PCDH15: variants seen among roughly 807,000 people sequenced by gnomAD.
PCDH15 encodes the protein protocadherin-15.
In PCDH15, 129 loss-of-function variants were observed where a neutral mutation model predicts 178.5. The observed-to-expected ratio is 0.72, with a 90% CI of 0.63 to 0.84. The LOEUF (loss-of-function observed/expected upper bound fraction) is 0.84. Among genes scored for constraint, PCDH15 ranks in the 40% least tolerant of loss-of-function variants. The pLI is 0.00. For synonymous variants in PCDH15, 800 were observed against 732.0 expected (o/e 1.09, Z -1.50); for missense variants, 2,230 against 2,099.9 (o/e 1.06, Z -1.21).
At chr10:54,970,161 C>T (rs752724011) in intron 2 of PCDH15, among the ~76,000 whole-genome samples, 37 of 152,280 alleles carry the variant, frequency 2.4e-4, no homozygotes, top group Non-Finnish European at 4.3e-4. Flanking sequence ...ACACAGTGGC[C>T]CTCACTGGAC....
chr10:55,570,357 A>C (rs1171580086), intron 2 of PCDH15, among the ~76,000 whole-genome samples: 1 of 152,120 alleles, frequency 6.6e-6, no homozygotes, highest in African/African-American at 2.4e-5. Flanking sequence ...AGTCTTCATA[A>C]GTGTCTAATA....
intron 3 of PCDH15, among the ~76,000 whole-genome samples, chr10:54,422,347 G>A (rs1194835698): frequency 1.3e-5 from 2 of 152,044 alleles, no homozygotes; most frequent in Non-Finnish European, 2.9e-5. Context: ...ACCCTATTTT[G>A]TAGTATAGTG....
chr10:54,562,341 G>A (rs1467000672), intron 2 of PCDH15, among the ~76,000 whole-genome samples: 3 of 151,988 alleles, frequency 2.0e-5, no homozygotes, highest in Admixed American at 1.3e-4. Flanking sequence ...TAATTCTATT[G>A]GATCTTGAAA....
chr10:54,548,154 ATATATATT>A (rs2086094179), intron 2 of PCDH15, among the ~76,000 whole-genome samples: 1 of 146,990 alleles, frequency 6.8e-6, no homozygotes, highest in African/African-American at 2.5e-5. Context: ...TATGTTTTAT[ATATATATT>A]TATATATTTA....
chr10:55,446,372 T>A (rs997991170), intron 2 of PCDH15, among the ~76,000 whole-genome samples: 8 of 151,686 alleles, frequency 5.3e-5, no homozygotes, highest in Admixed American at 4.6e-4. Flanking sequence ...AAGATAAAAA[T>A]AAGTTCTAAA....
chr10:55,387,794 A>G (rs1837698518), intron 2 of PCDH15, among the ~76,000 whole-genome samples: 1 of 152,084 alleles, frequency 6.6e-6, no homozygotes, highest in Non-Finnish European at 1.5e-5. Flanking sequence ...TGCCACATTG[A>G]TTGAAGAACA....
At chr10:54,392,317 T>A (rs1279892592) in intron 3 of PCDH15, among the ~76,000 whole-genome samples, 6 of 149,984 alleles carry the variant, frequency 4.0e-5, no homozygotes, top group Non-Finnish European at 7.4e-5. Context: ...TACAAAAAAA[T>A]TTGGTAGGCA....
chr10:54,643,522 T>C (rs759736800), intron 2 of PCDH15, among the ~76,000 whole-genome samples: 1 of 152,140 alleles, frequency 6.6e-6, no homozygotes, highest in Non-Finnish European at 1.5e-5. Flanking sequence ...GAGAGTCTAT[T>C]TTGATATTTT....
intron 3 of PCDH15, among the ~76,000 whole-genome samples, chr10:54,462,061 A>T (rs1434311383): frequency 1.3e-5 from 2 of 152,070 alleles, no homozygotes; most frequent in Non-Finnish European, 2.9e-5. Context: ...AATGCAAATA[A>T]AAAATAATCT....
chr10:54,824,060 T>G, intron 3 of PCDH15, among the ~76,000 whole-genome samples: 1 of 152,126 alleles, frequency 6.6e-6, no homozygotes, highest in East Asian at 1.9e-4. Context: ...TTCCAAAGTT[T>G]CTAAGGCAAA....
At chr10:53,900,657 C>T (rs144492766) in intron 26 of PCDH15, among the ~76,000 whole-genome samples, 75 of 152,234 alleles carry the variant, frequency 4.9e-4, no homozygotes, top group African/African-American at 1.6e-3. Context: ...CTTTTTGATT[C>T]CTTCTTTCTC....
chr10:55,171,178 C>CA (rs1340791678), intron 1 of PCDH15, among the ~76,000 whole-genome samples: 2 of 152,158 alleles, frequency 1.3e-5, no homozygotes, highest in Admixed American at 6.5e-5. Flanking sequence ...CAGTCTACTA[C>CA]CCTCCAGCTT....
At chr10:54,312,454 G>C (rs572118453) in intron 8 of PCDH15, among the ~76,000 whole-genome samples, 1 of 152,078 alleles carries the variant, frequency 6.6e-6, no homozygotes, top group African/African-American at 2.4e-5. Flanking sequence ...GGGAGGTGGA[G>C]TATGTTTCTA....
intron 8 of PCDH15, among the ~76,000 whole-genome samples, chr10:54,295,478 T>C (rs536956721): frequency 2.0e-5 from 3 of 152,200 alleles, no homozygotes; most frequent in Non-Finnish European, 4.4e-5. Flanking sequence ...TTGCTGGTGC[T>C]CACTCTTAGG....
chr10:53,825,479 G>GA (rs2076618527), intron 32 of PCDH15, among the ~76,000 whole-genome samples: 1 of 151,688 alleles, frequency 6.6e-6, no homozygotes, highest in African/African-American at 2.4e-5. Flanking sequence ...TTTAAAAATT[G>GA]CTTCTATGAT....
chr10:54,853,330 C>CACACAT (rs1564570413), intron 3 of PCDH15, among the ~76,000 whole-genome samples: 1 of 88,216 alleles, frequency 1.1e-5, no homozygotes, highest in African/African-American at 5.2e-5. Flanking sequence ...CATACACACA[C>CACACAT]ATATACATAT....
intron 8 of PCDH15, among the ~76,000 whole-genome samples, chr10:54,250,624 C>T (rs1209216441): frequency 6.6e-6 from 1 of 152,100 alleles, no homozygotes; most frequent in African/African-American, 2.4e-5. Flanking sequence ...TAGAAGAGAG[C>T]CATGATATTT....
intron 2 of PCDH15, among the ~76,000 whole-genome samples, chr10:55,160,243 TA>T (rs1388635662): frequency 2.6e-5 from 4 of 151,900 alleles, no homozygotes; most frequent in African/African-American, 7.2e-5. Context: ...GCACAATGAC[TA>T]GAGAGTCAGC....
intron 1 of PCDH15, among the ~76,000 whole-genome samples, chr10:55,278,904 C>G (rs996361201): frequency 2.0e-5 from 3 of 152,122 alleles, no homozygotes; most frequent in Non-Finnish European, 4.4e-5. Context: ...TACAAAGCCT[C>G]AGGCAAACCC....
Sources: allele counts gnomAD v4.1 joint callset (sites outside exome capture counted in the v4.1 genomes callset), GRCh38; gene constraint gnomAD v4.1.1; transcripts MANE v1.5; gene names NCBI Gene and HGNC (gene_info 2026-07-23, HGNC 2026-07-21).